Variants in SEC61A2 observed in about 807,000 individuals in gnomAD.
SEC61A2 encodes protein transport protein Sec61 subunit alpha isoform 2.
Under a neutral mutation model 59.9 loss-of-function variants are expected in SEC61A2, and 28 were observed. The observed-to-expected ratio is 0.47, with a 90% CI of 0.35 to 0.64. The LOEUF is 0.64. SEC61A2 is among the 30% of genes least tolerant of loss of function. The pLI is 0.01. For missense variants in SEC61A2, 340 were observed against 585.9 expected (o/e 0.58, Z 4.33); for synonymous variants, 202 against 214.4 (o/e 0.94, Z 0.50).
Position 12,142,672 on chromosome 10 carries a change from G to C in SEC61A2, c.142-445G>C. The C allele has an allele frequency of 9.5e-6, 2 of 211,060 alleles. No individual in the cohort carries two copies. Among genetic ancestry groups the C allele is most frequent in the Non-Finnish European group, 1.6e-5 (2 of 121,532 alleles). The allele number at this position is 211,060 out of a possible 1,614,324, so 13.1% of individuals were successfully genotyped here. On this transcript the variant is annotated intron_variant, in intron 3 of 11. Coordinates refer to ENST00000298428, the MANE Select transcript of SEC61A2 (RefSeq NM_018144.4). The surrounding 1 kb of genome is among the most constrained non-coding windows in gnomAD (Gnocchi z 5.4). ...TTAGATGTGCAGTTTAGTAACATTA[G>C]GAATGTTCACATTGTTGTACCACCA...
intron 3 of SEC61A2, among the ~76,000 whole-genome samples, chr10:12,137,494 G>A (rs796123004): frequency 6.0e-4 from 90 of 149,962 alleles, no homozygotes; most frequent in African/African-American, 2.2e-3. Flanking sequence ...TTGTAGAGAT[G>A]AGGTTTTGCC....
chr10:12,138,557 C>T (rs1406337554), intron 3 of SEC61A2, among the ~76,000 whole-genome samples: 2 of 152,230 alleles, frequency 1.3e-5, no homozygotes, highest in Non-Finnish European at 2.9e-5. Context: ...CCCAGGCTAC[C>T]ACTCATCTGC....
chr10:12,139,258 G>A (rs1028033829), intron 3 of SEC61A2, among the ~76,000 whole-genome samples: 4 of 150,438 alleles, frequency 2.7e-5, no homozygotes, highest in East Asian at 2.0e-4. Context: ...CACCACGCCC[G>A]GCCCTCGGTT....
intron 4 of SEC61A2, among the ~76,000 whole-genome samples, chr10:12,148,997 C>T (rs1834215293): frequency 6.6e-6 from 1 of 152,138 alleles, no homozygotes; most frequent in Non-Finnish European, 1.5e-5. Context: ...ACAGAGTGGC[C>T]CAGGAAGTCT....
chr10:12,131,376 C>CTTT (rs1833734298), intron 1 of SEC61A2, among the ~76,000 whole-genome samples: 1 of 152,172 alleles, frequency 6.6e-6, no homozygotes, highest in Non-Finnish European at 1.5e-5. Context: ...TGCGGCTTGT[C>CTTT]TTTCTCCACA....
chr10:12,140,229 G>A (rs1320961586), intron 3 of SEC61A2, among the ~76,000 whole-genome samples: 1 of 152,124 alleles, frequency 6.6e-6, no homozygotes, highest in Non-Finnish European at 1.5e-5. Context: ...ATCCTCTAAG[G>A]TCATTTTCAG....
rs762913950 is a variant in SEC61A2, at chr10:12,160,998, T to A, written c.1044T>A (p.Pro348=). Reference sequence around the variant, plus strand: ...GCCTTTGTTACTATCTTTCTCCTCCTGAGTCCATGGGCGCCATCTTTGAGG... The same window carrying A: ...GCCTTTGTTACTATCTTTCTCCTCCAGAGTCCATGGGCGCCATCTTTGAGG... ...VGGLCYYLSP[P]ESMGAIFEDP... is the part of the protein sequence containing the mutation. The change falls in exon 10 of 12, where the codon CCT becomes CCA. Residue 348 remains proline, a synonymous_variant. Transcript: ENST00000298428. The surrounding 1 kb of genome is among the most constrained non-coding windows in gnomAD (Gnocchi z 4.1). 10 of 1,614,092 alleles carry A rather than the reference T, an allele frequency of 6.2e-6. No homozygotes were observed. Among genetic ancestry groups the A allele is most frequent in the Non-Finnish European group, 8.5e-6 (10 of 1,180,026 alleles).
Position 12,143,403 on chromosome 10 carries a change from C to T in SEC61A2, c.220+208C>T, listed in dbSNP as rs1834066246. Reference sequence around the variant, plus strand: ...TTTTCATGGACTGGAAAACCCTGATCTTCAGTGTCAAAGAAGGTGATGTCC... The same window carrying T: ...TTTTCATGGACTGGAAAACCCTGATTTTCAGTGTCAAAGAAGGTGATGTCC... On this transcript the variant is annotated intron_variant, in intron 4 of 11. Transcript: ENST00000298428. The surrounding 1 kb of genome is among the most constrained non-coding windows in gnomAD (Gnocchi z 4.8). Among the ~76,000 whole-genome samples, 1 of 152,006 alleles carries T rather than the reference C, an allele frequency of 6.6e-6. No homozygotes were observed. Among genetic ancestry groups the T allele is most frequent in the Admixed American group, 6.6e-5 (1 of 15,252 alleles).
rs551846631 is a variant in SEC61A2, at chr10:12,156,458, C to T, written c.617-449C>T. ...GTTAATACCTAAACTCTGATCCCAG[C>T]CTTAAGAAAACTGTAATGATGATTA... is the stretch of plus-strand genomic sequence containing the variant. On this transcript the variant is annotated intron_variant, in intron 7 of 11. Transcript: ENST00000298428. This position sits in a 1 kb window ranked among gnomAD's most constrained non-coding sequence, Gnocchi z 5.2. 6.6e-6 allele frequency among the ~76,000 whole-genome samples: 1 copy of T among 152,288 alleles called. No individual in the cohort carries two copies. The highest frequency in any genetic ancestry group is 2.4e-5 in the African/African-American group (1 of 41,566).
Position 12,149,791 on chromosome 10 carries a change from C to T in SEC61A2, c.353-61C>T. 6.2e-7 allele frequency: 1 copy of T among 1,606,688 alleles called. No individual in the cohort carries two copies. Among genetic ancestry groups the T allele is most frequent in the Non-Finnish European group, 8.5e-7 (1 of 1,175,560 alleles). ...AGAGTGCTCGTGGTAAAGATGTTTTCTCTAGTCTTTTCTTGTCTTTGGTGG... is the reference window on the plus strand; with the variant it reads ...AGAGTGCTCGTGGTAAAGATGTTTTTTCTAGTCTTTTCTTGTCTTTGGTGG... On this transcript the variant is annotated intron_variant, in intron 5 of 11. Transcript: ENST00000298428. The surrounding 1 kb of genome is among the most constrained non-coding windows in gnomAD (Gnocchi z 5.2).
downstream of SEC61A2, chr10:12,168,026 G>GA: frequency 3.5e-6 from 3 of 861,208 alleles, no homozygotes; most frequent in Non-Finnish European, 4.6e-6. This position sits in a 1 kb window ranked among gnomAD's most constrained non-coding sequence, Gnocchi z 4.8. Context: ...CAGGGATAAT[G>GA]ATTTTTTTTT....
At position 12,142,683 on chromosome 10, in the gene SEC61A2, ATTG is replaced by A. The variant is rs1353449229; in HGVS notation, c.142-429_142-427del. 5.4e-6 allele frequency: 1 copy of A among 183,688 alleles called. No homozygotes were observed. Among genetic ancestry groups the A allele is most frequent in the Non-Finnish European group, 1.0e-5 (1 of 96,432 alleles). 11.4% of individuals were successfully genotyped at this position (183,688 alleles called of 1,614,324 possible). On this transcript the variant is annotated intron_variant, in intron 3 of 11. Transcript: ENST00000298428. This position sits in a 1 kb window ranked among gnomAD's most constrained non-coding sequence, Gnocchi z 5.4. ...GTTTAGTAACATTAGGAATGTTCAC[ATTG>A]TTGTACCACCACACTCCATAAGCGA...
rs1833685446 is a variant in SEC61A2 at position 12,129,825 on chromosome 10, G to A, written c.7+31G>A. On this transcript the variant is annotated intron_variant, in intron 1 of 11. Transcript: ENST00000298428. The surrounding 1 kb of genome is among the most constrained non-coding windows in gnomAD (Gnocchi z 5.6). ...TAGCGGCGGCTGGAGCGGGGACTCT[G>A]GCTGGGAACGCAGGCCCCGCCTGGG... 13 of 1,380,396 alleles carry A rather than the reference G, an allele frequency of 9.4e-6. No homozygotes were observed. The highest frequency in any genetic ancestry group is 1.2e-5 in the Non-Finnish European group (13 of 1,064,344). The allele number at this position is 1,380,396 out of a possible 1,614,324, so 85.5% of individuals were successfully genotyped here.
chr10:12,164,168 A>T lies in SEC61A2; in HGVS notation c.1245-100A>T. 1 of 1,392,404 alleles carries T rather than the reference A, an allele frequency of 7.2e-7. No homozygotes were observed. The highest frequency in any genetic ancestry group is 9.8e-7 in the Non-Finnish European group (1 of 1,021,740). The allele number at this position is 1,392,404 out of a possible 1,614,324, so 86.3% of individuals were successfully genotyped here. On this transcript the variant is annotated intron_variant, in intron 11 of 11. Coordinates refer to ENST00000298428, the MANE Select transcript of SEC61A2 (RefSeq NM_018144.4). The surrounding 1 kb of genome is among the most constrained non-coding windows in gnomAD (Gnocchi z 7.3). ...TCCCTCTGGAGTTCAGGGAGGCTTTAGACCCAGCTATGGCTGCTGCGCCTC... is the reference window on the plus strand; with the variant it reads ...TCCCTCTGGAGTTCAGGGAGGCTTTTGACCCAGCTATGGCTGCTGCGCCTC...
chr10:12,146,579 G>C (rs531929541), intron 4 of SEC61A2, among the ~76,000 whole-genome samples: 1 of 151,616 alleles, frequency 6.6e-6, no homozygotes, highest in Non-Finnish European at 1.5e-5. Flanking sequence ...GTGCAGTGGC[G>C]CGATGTCAGC....
In SEC61A2 at chr10:12,157,046, T is replaced by G. The variant is rs141007389; in HGVS notation, c.756T>G (p.Phe252Leu). ...ACCTCATTGCTACAGTTTTTGTGTT[T>G]GCTGTTGTTATATATTTCCAAGTAA... ...LMNLIATVFV[F>L]AVVIYFQGFR... The change falls in exon 8 of 12, where the codon TTT (phenylalanine) becomes TTG (leucine). Residue 252 changes from phenylalanine to leucine, a missense_variant. By Grantham distance (22) the Phe-to-Leu change is conservative. Around this residue, in one of 3 missense-constraint regions of SEC61A2, gnomAD observed 283 missense variants for 483.2 expected, o/e 0.59. Transcript: ENST00000298428. 6.2e-7 allele frequency: 1 copy of G among 1,613,928 alleles called. No individual in the cohort carries two copies. Among genetic ancestry groups the G allele is most frequent in the African/African-American group, 1.3e-5 (1 of 74,914 alleles).
intron 8 of SEC61A2, among the ~76,000 whole-genome samples, chr10:12,157,606 G>A (rs1482696829): frequency 6.6e-6 from 1 of 151,184 alleles, no homozygotes; most frequent in Non-Finnish European, 1.5e-5. Flanking sequence ...GGGTTCAAGC[G>A]ATTCTCCTGT....
At chr10:12,150,132 T>A (rs1834240943) in intron 6 of SEC61A2, among the ~76,000 whole-genome samples, 171 bp downstream of exon 6, 1 of 152,230 alleles carries the variant, frequency 6.6e-6, no homozygotes, top group South Asian at 2.1e-4. Flanking sequence ...AAACCTTCTG[T>A]CACCGTGACG....
chr10:12,156,946 T>A lies in SEC61A2; in HGVS notation c.656T>A (p.Leu219Ter), dbSNP rs1834411246. 1 of 1,613,868 alleles carries A rather than the reference T, an allele frequency of 6.2e-7. No individual in the cohort carries two copies. ...FEGAVIALFH[L>*]LATRTDKVRA... ...GGTGCAGTCATAGCTCTGTTCCATT[T>A]GTTGGCCACCAGGACGGACAAAGTC... is the stretch of plus-strand genomic sequence containing the variant. The change falls in exon 8 of 12, where the codon TTG (leucine) becomes TAG (stop). Residue 219 changes from leucine (L) to a stop codon, truncating the protein, a stop_gained. Coordinates refer to ENST00000298428, the MANE Select transcript of SEC61A2 (RefSeq NM_018144.4). LOFTEE classifies it high-confidence loss of function. This position sits in a 1 kb window ranked among gnomAD's most constrained non-coding sequence, Gnocchi z 5.2.
Sources: gnomAD v4.1 joint callset for allele counts (sites outside exome capture counted in the v4.1 genomes callset) on GRCh38, gnomAD v4.1.1 for gene constraint, gnomAD v4.1.1 regional missense constraint, Gnocchi (gnomAD v3.1) non-coding constraint, MANE v1.5 for transcripts, NCBI Gene and HGNC (gene_info 2026-07-23, HGNC 2026-07-21) for gene names.